FOXN3: variants seen among roughly 807,000 people sequenced by gnomAD.
FOXN3 encodes the protein forkhead box N3, also known as forkhead box protein N3.
In FOXN3, 7 loss-of-function variants were observed where a neutral mutation model predicts 38.4. The observed-to-expected ratio is 0.18, with a 90% CI of 0.10 to 0.34. The LOEUF (loss-of-function observed/expected upper bound fraction) is 0.34, where lower values mean the gene tolerates loss of function less well. Ranked by LOEUF, FOXN3 falls within the 10% of genes least tolerant of loss-of-function variation. The probability of loss-of-function intolerance (pLI) is 1.00; values close to 1 mark genes in which losing one functional copy is unlikely to be tolerated. For synonymous variants in FOXN3, 230 were observed against 242.2 expected, an observed-to-expected ratio of 0.95 and a Z score of 0.47; for missense variants, 456 against 613.4, an observed-to-expected ratio of 0.74 and a Z score of 2.71.
chr14:89,275,684 G>A (rs986914691), intron 4 of FOXN3, among the ~76,000 whole-genome samples: 30 of 152,168 alleles, frequency 2.0e-4, no homozygotes, highest in African/African-American at 7.0e-4. Flanking sequence ...GGTGATAAAC[G>A]CTGTTACTCC....
intron 1 of FOXN3, among the ~76,000 whole-genome samples, chr14:89,560,290 A>G (rs2139877908): frequency 6.6e-6 from 1 of 152,286 alleles, no homozygotes; most frequent in Non-Finnish European, 1.5e-5. Context: ...GTTCAACATG[A>G]CATTTGGGTG....
chr14:89,418,113 GGA>G (rs1429799983), upstream of FOXN3, among the ~76,000 whole-genome samples: 1 of 152,312 alleles, frequency 6.6e-6, no homozygotes, highest in Non-Finnish European at 1.5e-5. Flanking sequence ...GAGGATGAGA[GGA>G]GAGAGTCCAA....
At chr14:89,369,823 G>A (rs1254466917) in intron 2 of FOXN3, among the ~76,000 whole-genome samples, 2 of 151,866 alleles carry the variant, frequency 1.3e-5, no homozygotes, top group African/African-American at 4.9e-5. Flanking sequence ...TGGGAGCTAC[G>A]ATTCAACATG....
intron 2 of FOXN3, among the ~76,000 whole-genome samples, chr14:89,371,743 G>A (rs1450995180): frequency 6.6e-6 from 1 of 152,080 alleles, no homozygotes; most frequent in Non-Finnish European, 1.5e-5. Flanking sequence ...AGAGAGGGGA[G>A]GAGGAGAGTG....
intron 4 of FOXN3, among the ~76,000 whole-genome samples, chr14:89,227,822 C>T (rs750690735): frequency 7.9e-5 from 12 of 152,234 alleles, no homozygotes; most frequent in East Asian, 3.8e-4. Flanking sequence ...CAGCTAAGAA[C>T]GGCCCCCAGC....
chr14:89,582,933 T>G (rs2139913369), intron 1 of FOXN3, among the ~76,000 whole-genome samples: 1 of 152,346 alleles, frequency 6.6e-6, no homozygotes. Flanking sequence ...GATTCTTCCA[T>G]AATGTCATGT....
chr14:89,403,763 T>A (rs961586873), intron 2 of FOXN3, among the ~76,000 whole-genome samples: 1 of 152,140 alleles, frequency 6.6e-6, no homozygotes, highest in Non-Finnish European at 1.5e-5. Flanking sequence ...GACAGATACA[T>A]TGATAGGGCC....
intron 3 of FOXN3, among the ~76,000 whole-genome samples, chr14:89,346,224 C>T (rs953011670): frequency 1.3e-5 from 2 of 152,178 alleles, no homozygotes; most frequent in Admixed American, 1.3e-4. Context: ...TTTGCAGCAG[C>T]AAATTGTGCT....
rs1000926325 is a variant in FOXN3 at position 89,343,888 on chromosome 14, G to A, written c.680+6784C>T. 2.0e-5 allele frequency among the ~76,000 whole-genome samples: 3 copies of A among 151,998 alleles called. No individual in the cohort carries two copies. In the East Asian group the frequency reaches 5.8e-4, roughly 29 times the overall value. On this transcript the variant is annotated intron_variant, in intron 3 of 5. Transcript: ENST00000557258. ...AGCAATTCTCCTGCCTTAGCCTCCC[G>A]AGTAGCTGATTGCAGGTGCCTGCCA...
At chr14:89,459,125 G>A (rs555249992) in intron 1 of FOXN3, among the ~76,000 whole-genome samples, 61 of 151,736 alleles carry the variant, frequency 4.0e-4, no homozygotes, top group African/African-American at 1.4e-3. Flanking sequence ...TCCTTTAAAC[G>A]AGAAACAAGA....
At chr14:89,346,561 G>C (rs764768575) in intron 3 of FOXN3, among the ~76,000 whole-genome samples, 1 of 152,190 alleles carries the variant, frequency 6.6e-6, no homozygotes, top group Non-Finnish European at 1.5e-5. Context: ...CCACAAAGCT[G>C]AAGTGCCAAA....
intron 1 of FOXN3, among the ~76,000 whole-genome samples, chr14:89,429,108 G>A (rs1197706815): frequency 2.0e-5 from 3 of 152,196 alleles, no homozygotes; most frequent in African/African-American, 7.2e-5. Flanking sequence ...ACAGAGATGG[G>A]GAAGAGGTAA....
At chr14:89,286,874 G>A (rs1218315367) in intron 3 of FOXN3, among the ~76,000 whole-genome samples, 4 of 152,050 alleles carry the variant, frequency 2.6e-5, no homozygotes, top group African/African-American at 7.2e-5. Context: ...TCAGATTCTC[G>A]GGGACACTCT....
intron 2 of FOXN3, among the ~76,000 whole-genome samples, chr14:89,372,891 C>A (rs1270458597): frequency 6.6e-6 from 1 of 152,186 alleles, no homozygotes; most frequent in Non-Finnish European, 1.5e-5. Context: ...TAAATGTAGG[C>A]TGGTGCAGTG....
intron 1 of FOXN3, among the ~76,000 whole-genome samples, chr14:89,431,946 C>T (rs1834377392): frequency 6.6e-6 from 1 of 152,150 alleles, no homozygotes; most frequent in Admixed American, 6.5e-5. Flanking sequence ...AACTCCTGAC[C>T]TCAGGTGATC....
At chr14:89,527,029 C>G (rs994016516) in intron 1 of FOXN3, among the ~76,000 whole-genome samples, 2 of 135,156 alleles carry the variant, frequency 1.5e-5, no homozygotes, top group African/African-American at 5.7e-5. Flanking sequence ...TTATTGAGGA[C>G]AGGAAAGGAG....
At chr14:89,343,591 A>T (rs1198907878) in intron 3 of FOXN3, among the ~76,000 whole-genome samples, 1 of 150,670 alleles carries the variant, frequency 6.6e-6, no homozygotes, top group Non-Finnish European at 1.5e-5. Flanking sequence ...AATATCAGAA[A>T]GGCCAAAATC....
chr14:89,557,726 G>A (rs193017079), intron 1 of FOXN3, among the ~76,000 whole-genome samples: 8 of 152,124 alleles, frequency 5.3e-5, no homozygotes, highest in Admixed American at 2.6e-4. Context: ...GGTACCAAAG[G>A]GGGGCACGGT....
intron 3 of FOXN3, among the ~76,000 whole-genome samples, chr14:89,327,502 C>T (rs988839446): frequency 5.9e-5 from 9 of 152,178 alleles, no homozygotes; most frequent in South Asian, 4.1e-4. Context: ...TGGATTTATA[C>T]AAATCCACAA....
Sources: allele counts gnomAD v4.1 joint callset (sites outside exome capture counted in the v4.1 genomes callset), GRCh38; gene constraint gnomAD v4.1.1; transcripts MANE v1.5; gene names NCBI Gene and HGNC (gene_info 2026-07-23, HGNC 2026-07-21).